Variants in EFHD2 observed in about 807,000 individuals in gnomAD.
EFHD2 encodes the protein EF-hand domain family member D2.
A neutral mutation model predicts 20.3 loss-of-function variants in EFHD2; 12 were observed. That is an observed-to-expected ratio of 0.59 (90% CI 0.38 to 0.96). The LOEUF is 0.96. EFHD2 is among the 40% of genes least tolerant of loss of function. EFHD2 has a pLI of 0.00. For missense variants in EFHD2, 250 were observed against 334.3 expected (o/e 0.75, Z 1.97); for synonymous variants, 131 against 143.9 (o/e 0.91, Z 0.64).
chr1:15,425,020 A>G (rs1297197660), intron 1 of EFHD2, among the ~76,000 whole-genome samples: 1 of 152,140 alleles, frequency 6.6e-6, no homozygotes, highest in Admixed American at 6.5e-5. Context: ...CCCACAATGC[A>G]CAGGACAGCC....
At chr1:15,422,744 G>C (rs2473354) in intron 1 of EFHD2, among the ~76,000 whole-genome samples, 2,324 of 152,130 alleles carry the variant, frequency 0.015, 49 homozygotes, top group African/African-American at 0.052. Context: ...ACCTGTAGTC[G>C]CAGCTACTCA....
intron 1 of EFHD2, among the ~76,000 whole-genome samples, chr1:15,417,934 A>G (rs1037497010): frequency 6.7e-6 from 1 of 149,578 alleles, no homozygotes; most frequent in East Asian, 2.0e-4. Context: ...CAGACTGTGC[A>G]GTGCAGCTTG....
rs1021524652 is a variant in EFHD2, at chr1:15,430,265, C to G, written c.*1541C>G. ...CTTCCCTTCTCCCCGACCCCACCCC[C>G]CAAAAAAGCTACTTCTTCATTCCGT... On this transcript the variant is annotated 3_prime_UTR_variant, in exon 4 of 4. Coordinates refer to ENST00000375980, the MANE Select transcript of EFHD2 (RefSeq NM_024329.6). 2.0e-5 allele frequency: 3 copies of G among 153,698 alleles called. No individual in the cohort carries two copies. The highest frequency in any genetic ancestry group is 2.9e-5 in the Non-Finnish European group (2 of 69,186). The allele number at this position is 153,698 out of a possible 1,614,324, so 9.5% of individuals were successfully genotyped here. A position where few individuals can be genotyped will look rare whatever the true frequency, so the allele number is the denominator to read the frequency against.
chr1:15,418,521 G>A (rs554544734), intron 1 of EFHD2, among the ~76,000 whole-genome samples: 54 of 150,304 alleles, frequency 3.6e-4, no homozygotes, highest in Admixed American at 5.3e-4. Flanking sequence ...TAGCCAGGAT[G>A]GTCTCAATCT....
intron 1 of EFHD2, among the ~76,000 whole-genome samples, chr1:15,410,770 A>G (rs1707479960): frequency 6.7e-6 from 1 of 149,028 alleles, no homozygotes; most frequent in African/African-American, 2.5e-5. Context: ...GGCCAAAGAT[A>G]CCCACCCCAG....
At chr1:15,411,141 G>T (rs909881271) in intron 1 of EFHD2, among the ~76,000 whole-genome samples, 3 of 128,908 alleles carry the variant, frequency 2.3e-5, no homozygotes, top group African/African-American at 9.1e-5. Context: ...CCAGCAGCTT[G>T]CAGTCACCGC....
At chr1:15,416,746 C>A (rs1485394623) in intron 1 of EFHD2, among the ~76,000 whole-genome samples, 2 of 151,016 alleles carry the variant, frequency 1.3e-5, no homozygotes, top group Admixed American at 6.6e-5. Flanking sequence ...AGCAGCTTCA[C>A]CGCCCGGGAG....
At position 15,413,664 on chromosome 1, in the gene EFHD2, A is replaced by G. The variant is rs1019289546; in HGVS notation, c.308+3385A>G. Reference sequence around the variant, plus strand: ...AGGGTTGACTCCAACCCCTCTCCCCATTTGACAGAAGAGGGAACCAAGACC... The same window carrying G: ...AGGGTTGACTCCAACCCCTCTCCCCGTTTGACAGAAGAGGGAACCAAGACC... On this transcript the variant is annotated intron_variant, in intron 1 of 3. Coordinates refer to ENST00000375980, the MANE Select transcript of EFHD2 (RefSeq NM_024329.6). The surrounding 1 kb of genome is among the most constrained non-coding windows in gnomAD (Gnocchi z 4.4). Among the ~76,000 whole-genome samples, 2 of 152,130 alleles carry G rather than the reference A, an allele frequency of 1.3e-5. No homozygotes were observed. The highest frequency in any genetic ancestry group is 4.8e-5 in the African/African-American group (2 of 41,430).
At chr1:15,418,744 C>T (rs945667397) in intron 1 of EFHD2, among the ~76,000 whole-genome samples, 1 of 152,242 alleles carries the variant, frequency 6.6e-6, no homozygotes, top group African/African-American at 2.4e-5. Context: ...AATAAGATGG[C>T]CTCTAATATC....
intron 1 of EFHD2, among the ~76,000 whole-genome samples, chr1:15,412,010 T>G (rs544858929): frequency 6.6e-6 from 1 of 152,184 alleles, no homozygotes; most frequent in South Asian, 2.1e-4. Flanking sequence ...AAGGTCCTTC[T>G]GGGGGAAAAT....
chr1:15,415,172 A>T (rs1400496379), intron 1 of EFHD2, among the ~76,000 whole-genome samples: 1 of 152,240 alleles, frequency 6.6e-6, no homozygotes, highest in East Asian at 1.9e-4. Context: ...GAATTAAATG[A>T]ATCAAGTTCC....
In EFHD2 at chr1:15,410,204, G is replaced by A. The variant is rs1276168310; in HGVS notation, c.233G>A (p.Arg78His). The change falls in exon 1 of 4, where the codon CGC becomes CAC. Residue 78 changes from arginine to histidine, a missense_variant. Arg to His is a conservative substitution (Grantham distance 29). This residue lies in a region of EFHD2 where 143 missense variants were observed against 190.6 expected (regional missense o/e 0.75). Coordinates refer to ENST00000375980, the MANE Select transcript of EFHD2 (RefSeq NM_024329.6). The stretch of plus-strand genomic sequence containing the variant: ...GGCGAGCCCCAGTCGCCCAGCCGCC[G>A]CGTCTTCAACCCCTACACCGAGTTC... The part of the protein sequence containing the change: ...GIGEPQSPSR[R>H]VFNPYTEFKE... 1 of 1,604,986 alleles carries A rather than the reference G, an allele frequency of 6.2e-7. No individual in the cohort carries two copies. The highest frequency in any genetic ancestry group is 8.5e-7 in the Non-Finnish European group (1 of 1,176,744).
intron 1 of EFHD2, among the ~76,000 whole-genome samples, chr1:15,425,146 A>T (rs1454087706): frequency 1.3e-5 from 2 of 152,142 alleles, no homozygotes; most frequent in African/African-American, 4.8e-5. Flanking sequence ...CCAAGTGCCC[A>T]TGGAGATGCC....
intron 1 of EFHD2, among the ~76,000 whole-genome samples, chr1:15,423,881 T>G (rs893979243): frequency 6.6e-6 from 1 of 152,124 alleles, no homozygotes; most frequent in African/African-American, 2.4e-5. Context: ...TGCACAAGCC[T>G]TCTTTAGGTG....
At chr1:15,419,692 T>C (rs1707755922) in intron 1 of EFHD2, among the ~76,000 whole-genome samples, 1 of 152,130 alleles carries the variant, frequency 6.6e-6, no homozygotes. Flanking sequence ...GATCTCTCTT[T>C]TTCTGGATCC....
chr1:15,410,555 T>C (rs1707466346), intron 1 of EFHD2, among the ~76,000 whole-genome samples: 1 of 151,854 alleles, frequency 6.6e-6, no homozygotes. Context: ...GTCCACAGAG[T>C]GGGGGACCCC....
Position 15,426,043 on chromosome 1 carries a change from C to A in EFHD2, c.456+25C>A. 6.5e-7 allele frequency: 1 copy of A among 1,547,212 alleles called. No individual in the cohort carries two copies. The highest frequency in any genetic ancestry group is 1.2e-5 in the South Asian group (1 of 81,592). The stretch of plus-strand genomic sequence containing the variant: ...GGTAAGCCCGGCCCCCAGCCCCACT[C>A]CCCTACCAGGGGCTTCACCTGAGGA... On this transcript the variant is annotated intron_variant, in intron 2 of 3. Coordinates refer to ENST00000375980, the MANE Select transcript of EFHD2 (RefSeq NM_024329.6). The surrounding 1 kb of genome is among the most constrained non-coding windows in gnomAD (Gnocchi z 4.6).
At chr1:15,419,012 G>C (rs1179393180) in intron 1 of EFHD2, among the ~76,000 whole-genome samples, 2 of 152,256 alleles carry the variant, frequency 1.3e-5, no homozygotes, top group Non-Finnish European at 2.9e-5. Context: ...GCTCAGCAGA[G>C]TAGCCAGGAA....
intron 1 of EFHD2, among the ~76,000 whole-genome samples, chr1:15,418,529 T>A (rs185077426): frequency 6.6e-5 from 10 of 151,402 alleles, no homozygotes; most frequent in East Asian, 3.9e-4. Context: ...ATGGTCTCAA[T>A]CTCCTGACCT....
Sources: allele counts gnomAD v4.1 joint callset (sites outside exome capture counted in the v4.1 genomes callset), GRCh38; gene constraint gnomAD v4.1.1; regional missense constraint gnomAD v4.1.1; non-coding constraint Gnocchi (gnomAD v3.1); transcripts MANE v1.5; gene names NCBI Gene and HGNC (gene_info 2026-07-23, HGNC 2026-07-21).